RAN: variants seen among roughly 807,000 people sequenced by gnomAD.
The protein encoded by RAN is RAN, member RAS oncogene family, also known as GTP-binding nuclear protein Ran.
Under a neutral mutation model 26.8 loss-of-function variants are expected in RAN, and 2 were observed. The observed-to-expected ratio is 0.07, with a 90% CI of 0.03 to 0.23. The LOEUF is 0.23. Among genes scored for constraint, RAN ranks in the 10% least tolerant of loss-of-function variants. The pLI is 1.00. For synonymous variants in RAN, 132 were observed against 95.9 expected, an observed-to-expected ratio of 1.38 and a Z score of -2.20; for missense variants, 56 against 264.8, an observed-to-expected ratio of 0.21 and a Z score of 5.47.
At position 130,877,019 on chromosome 12, in the gene RAN, G is replaced by C. The variant is rs1319727475; in HGVS notation, c.*1093G>C. 2 of 151,822 alleles carry C rather than the reference G, an allele frequency of 1.3e-5. No individual in the cohort carries two copies. Among genetic ancestry groups the C allele is most frequent in the Non-Finnish European group, 2.9e-5 (2 of 67,970 alleles). The allele number at this position is 151,822 out of a possible 1,614,324, so 9.4% of individuals were successfully genotyped here. A position where few individuals can be genotyped will look rare whatever the true frequency, so the allele number is the denominator to read the frequency against. The stretch of plus-strand genomic sequence containing the variant: ...ATATGCACAGTGGGGCAGTGTGGGG[G>C]CTTCTCAGTAATGGAGAACAGTTGG... On this transcript the variant is annotated 3_prime_UTR_variant, in exon 7 of 7. Transcript: ENST00000543796.
rs2178080 is a variant in RAN at position 130,876,396 on chromosome 12, A to T, written c.*470A>T. On this transcript the variant is annotated 3_prime_UTR_variant, in exon 7 of 7. Transcript: ENST00000543796. ...GCTTTTATCACTTAATTTGAAATCT[A>T]TTGGGTTAATTTCTCCCTATGTTTA... The T allele has an allele frequency of 7.8e-5, 13 of 167,094 alleles. No individual in the cohort carries two copies. The South Asian group carries it at 1.1e-3, about 14-fold the overall frequency. 10.4% of individuals were successfully genotyped at this position (167,094 alleles called of 1,614,324 possible).
At position 130,876,654 on chromosome 12, in the gene RAN, ATTTTC is replaced by A. The variant is rs1188854574; in HGVS notation, c.*733_*737del. 2.0e-5 allele frequency: 3 copies of A among 152,180 alleles called. No individual in the cohort carries two copies. The highest frequency in any genetic ancestry group is 7.2e-5 in the African/African-American group (3 of 41,552). The allele number at this position is 152,180 out of a possible 1,614,324, so 9.4% of individuals were successfully genotyped here. On this transcript the variant is annotated 3_prime_UTR_variant, in exon 7 of 7. Transcript: ENST00000543796. ...ATCAAATAGATATTTTAAGGGTAAT[ATTTTC>A]TTTTATGGCAAAAGTAATCATGTTT...
At chr12:130,874,855 C>G (rs918558804) in intron 5 of RAN, 122 bp downstream of exon 5, 2 of 843,914 alleles carry the variant, frequency 2.4e-6, no homozygotes, top group South Asian at 2.0e-5. Flanking sequence ...CGGAGTCTTC[C>G]TCTGTCCCCC....
In RAN at chr12:130,876,139, T is replaced by C; in HGVS notation, c.*213T>C. The C allele has an allele frequency of 1.7e-6, 1 of 587,788 alleles. No homozygotes were observed. The highest frequency in any genetic ancestry group is 3.0e-6 in the Non-Finnish European group (1 of 333,698). The allele number at this position is 587,788 out of a possible 1,614,324, so 36.4% of individuals were successfully genotyped here. On this transcript the variant is annotated 3_prime_UTR_variant, in exon 7 of 7. Transcript: ENST00000543796. ...TTTGGACCTGCATATTTAGCTGTTT[T>C]GGAACGCAGTTGATTCCTTGAGTTT...
At chr12:130,875,471 C>G in intron 5 of RAN, 141 bp from the exon 6 acceptor site, 1 of 757,440 alleles carries the variant, frequency 1.3e-6, no homozygotes, top group Non-Finnish European at 2.1e-6. Context: ...CCCACCTCAG[C>G]CCCCGAAAGT....
chr12:130,872,956 G>C, intron 3 of RAN, 36 bp downstream of exon 3: 1 of 1,614,182 alleles, frequency 6.2e-7, no homozygotes, highest in Non-Finnish European at 8.5e-7. Flanking sequence ...GGAAATATGT[G>C]AGAAATGGGT....
intron 5 of RAN, among the ~76,000 whole-genome samples, 174 bp from the exon 6 acceptor site, chr12:130,875,438 G>C (rs555925056): frequency 6.6e-6 from 1 of 151,256 alleles, no homozygotes; most frequent in African/African-American, 2.4e-5. Context: ...AGGCCTGATC[G>C]TGTACTATTG....
In RAN at chr12:130,876,564, G is replaced by A. The variant is rs1309161941; in HGVS notation, c.*638G>A. 1 of 152,336 alleles carries A rather than the reference G, an allele frequency of 6.6e-6. No homozygotes were observed. Among genetic ancestry groups the A allele is most frequent in the African/African-American group, 2.4e-5 (1 of 41,408 alleles). The allele number at this position is 152,336 out of a possible 1,614,324, so 9.4% of individuals were successfully genotyped here. A position where few individuals can be genotyped will look rare whatever the true frequency, so the allele number is the denominator to read the frequency against. On this transcript the variant is annotated 3_prime_UTR_variant, in exon 7 of 7. Transcript: ENST00000543796. ...CTCCACCTTCATATTGGCTAGGTAG[G>A]GTCACCTAGGGAAGCACTTGCTCAA...
Position 130,872,648 on chromosome 12 carries a change from C to T in RAN, c.36+19C>T. 1.3e-6 allele frequency: 2 copies of T among 1,521,530 alleles called. No individual in the cohort carries two copies. Among genetic ancestry groups the T allele is most frequent in the African/African-American group, 1.4e-5 (1 of 71,898 alleles). The allele number at this position is 1,521,530 out of a possible 1,614,324, so 94.3% of individuals were successfully genotyped here. A position where few individuals can be genotyped will look rare whatever the true frequency, so the allele number is the denominator to read the frequency against. On this transcript the variant is annotated intron_variant, in intron 2 of 6. Coordinates refer to ENST00000543796, the MANE Select transcript of RAN (RefSeq NM_006325.5). ...GTTCAAAGTAGGTAACCCTGCGGGG[C>T]GGGAGGCGGCCGAGCCCGACCGCGT...
rs972810288 is a variant in RAN, at chr12:130,875,560, C to A, written c.436-52C>A. ...TTATCTTGCAATGTCCTAGAAAAATCGTCATCTTAATAATGAATTTTAAAA... is the reference window on the plus strand; with the variant it reads ...TTATCTTGCAATGTCCTAGAAAAATAGTCATCTTAATAATGAATTTTAAAA... On this transcript the variant is annotated intron_variant, in intron 5 of 6. Coordinates refer to ENST00000543796, the MANE Select transcript of RAN (RefSeq NM_006325.5). 6 of 1,436,156 alleles carry A rather than the reference C, an allele frequency of 4.2e-6. No individual in the cohort carries two copies. In the East Asian group the frequency reaches 1.4e-4, roughly 34 times the overall value. 89.0% of individuals were successfully genotyped at this position (1,436,156 alleles called of 1,614,324 possible).
rs879859489 is a variant in RAN, at chr12:130,876,310, T to C, written c.*384T>C. Reference sequence around the variant, plus strand: ...AGTGAACTCATCCCTTGTTTATAAATAGCATTTGGAAACCACTAAAGTAGG... The same window carrying C: ...AGTGAACTCATCCCTTGTTTATAAACAGCATTTGGAAACCACTAAAGTAGG... On this transcript the variant is annotated 3_prime_UTR_variant, in exon 7 of 7. Transcript: ENST00000543796. 5.0e-5 allele frequency: 9 copies of C among 180,764 alleles called. No individual in the cohort carries two copies. The Admixed American group carries it at 5.2e-4, about 11-fold the overall frequency. 11.2% of individuals were successfully genotyped at this position (180,764 alleles called of 1,614,324 possible). A position where few individuals can be genotyped will look rare whatever the true frequency, so the allele number is the denominator to read the frequency against.
At chr12:130,875,565 T>C (rs557761277) in intron 5 of RAN, 47 bp from the exon 6 acceptor site, 103 of 1,468,316 alleles carry the variant, frequency 7.0e-5, no homozygotes, top group Non-Finnish European at 9.2e-5. Flanking sequence ...AAAATCGTCA[T>C]CTTAATAATG....
chr12:130,875,473 C>T, intron 5 of RAN, 139 bp from the exon 6 acceptor site: 1 of 775,494 alleles, frequency 1.3e-6, no homozygotes, highest in Non-Finnish European at 2.0e-6. Flanking sequence ...CACCTCAGCC[C>T]CCGAAAGTGC....
At chr12:130,874,053 T>C in intron 4 of RAN, 1 of 374,402 alleles carries the variant, frequency 2.7e-6, no homozygotes, top group South Asian at 1.9e-5. Context: ...TTCACCATGT[T>C]GCCCATGCTG....
chr12:130,874,758 G>A (rs766546116), intron 5 of RAN, 25 bp downstream of exon 5: 3 of 1,569,548 alleles, frequency 1.9e-6, no homozygotes, highest in East Asian at 2.2e-5. Flanking sequence ...AACTTCCTGA[G>A]TTATTTCTCT....
Position 130,877,272 on chromosome 12 carries a change from A to C in RAN, c.*1346A>C, listed in dbSNP as rs1003286922. ...TCTTGAGATGATTGCTTACCTTAAA[A>C]GGTATAGAAAGGATCACTTAAATAT... On this transcript the variant is annotated 3_prime_UTR_variant, in exon 7 of 7. Transcript: ENST00000543796. The C allele has an allele frequency of 1.3e-5, 2 of 152,208 alleles. No individual in the cohort carries two copies. The highest frequency in any genetic ancestry group is 4.8e-5 in the African/African-American group (2 of 41,450). 9.4% of individuals were successfully genotyped at this position (152,208 alleles called of 1,614,324 possible).
Position 130,875,871 on chromosome 12 carries a change from T to C in RAN, c.607-11T>C, listed in dbSNP as rs1953229939. ...TCTGGAGTGTTAACGTTTTTCCATC[T>C]CTTCGTCTAGGTTGCTCAGACAACT... On this transcript the variant is annotated splice_polypyrimidine_tract_variant and intron_variant, in intron 6 of 6. Transcript: ENST00000543796. 1 of 1,614,064 alleles carries C rather than the reference T, an allele frequency of 6.2e-7. No homozygotes were observed. Among genetic ancestry groups the C allele is most frequent in the Admixed American group, 1.7e-5 (1 of 59,998 alleles).
chr12:130,872,552 C>T, intron 1 of RAN, 32 bp from the exon 2 acceptor site: 4 of 1,429,854 alleles, frequency 2.8e-6, no homozygotes, highest in Non-Finnish European at 3.6e-6. Flanking sequence ...CGGGGCCGCG[C>T]GAGCGCTCGC....
intron 4 of RAN, chr12:130,873,416 G>C: frequency 6.1e-6 from 2 of 330,506 alleles, no homozygotes; most frequent in Non-Finnish European, 1.1e-5. Flanking sequence ...AGCAGTTTCA[G>C]TATTTGGAAA....
Sources: allele counts gnomAD v4.1 joint callset (sites outside exome capture counted in the v4.1 genomes callset), GRCh38; gene constraint gnomAD v4.1.1; transcripts MANE v1.5; gene names NCBI Gene and HGNC (gene_info 2026-07-23, HGNC 2026-07-21).